The following ZNF169 variants were observed in gnomAD, a reference collection of about 807,000 sequenced individuals.
ZNF169 encodes the protein zinc finger protein 169.
ZNF169 carries 11 observed loss-of-function variants against 12.0 expected under a neutral mutation model. That is an observed-to-expected ratio of 0.92 (90% CI 0.58 to 1.52). ZNF169 has a LOEUF of 1.52. Among genes scored for constraint, ZNF169 ranks in the 40% most tolerant of loss-of-function variants. ZNF169 has a pLI of 0.00. For missense variants in ZNF169, 722 were observed against 744.0 expected (o/e 0.97, Z 0.34); for synonymous variants, 302 against 286.5 (o/e 1.05, Z -0.55).
intron 2 of ZNF169, among the ~76,000 whole-genome samples, chr9:94,283,801 G>A (rs1240640174): frequency 6.6e-6 from 1 of 152,124 alleles, no homozygotes; most frequent in East Asian, 1.9e-4. Flanking sequence ...GGGTGCGGTG[G>A]CTCACACCTG....
chr9:94,267,039 G>T (rs1830306881), intron 1 of ZNF169, among the ~76,000 whole-genome samples: 1 of 151,982 alleles, frequency 6.6e-6, no homozygotes, highest in Non-Finnish European at 1.5e-5. Flanking sequence ...CTTCCGAGTA[G>T]CTGGGACTAC....
chr9:94,292,522 T>C (rs968650388), intron 3 of ZNF169, 55 bp downstream of exon 3: 2 of 1,571,648 alleles, frequency 1.3e-6, no homozygotes, highest in African/African-American at 2.7e-5. Flanking sequence ...TTTAAGCTCT[T>C]ACATAGCAAG....
intron 2 of ZNF169, among the ~76,000 whole-genome samples, chr9:94,282,712 T>A (rs770092497): frequency 9.2e-5 from 14 of 152,270 alleles, no homozygotes; most frequent in East Asian, 1.9e-4. Flanking sequence ...TTAAAATTTT[T>A]AAAAATATTT....
chr9:94,299,216 G>A (rs1193281468), intron 4 of ZNF169, among the ~76,000 whole-genome samples: 1 of 152,148 alleles, frequency 6.6e-6, no homozygotes, highest in Non-Finnish European at 1.5e-5. Flanking sequence ...AGGACTTAAG[G>A]GTGTCCATAC....
In ZNF169 at chr9:94,301,065, C is replaced by T. The variant is rs139392933; in HGVS notation, c.1507C>T (p.Arg503Ter). ...ATTTGGCTTTAAGTCGCTCCTCACC[C>T]GACACCAGAGGACACACTCAGAGGA... ...RAFGFKSLLT[R>*]HQRTHSEEEL... Residue 503 changes from arginine (R) to a stop codon, truncating the protein, a stop_gained, in exon 5 of 5, where the codon CGA becomes TGA. Transcript: ENST00000395395. LOFTEE classifies it low-confidence loss of function (END_TRUNC). The T allele has an allele frequency of 3.6e-5, 58 of 1,613,296 alleles. No homozygotes were observed. Among genetic ancestry groups the T allele is most frequent in the Admixed American group, 2.5e-4 (15 of 59,932 alleles).
intron 4 of ZNF169, chr9:94,293,914 T>G (rs1197277623): frequency 1.3e-5 from 2 of 152,336 alleles, no homozygotes; most frequent in African/African-American, 4.8e-5. Context: ...CCCATACTTT[T>G]CCTGATTGTG....
chr9:94,265,022 T>TTG (rs1491402465), intron 1 of ZNF169, among the ~76,000 whole-genome samples: 3 of 5,356 alleles, frequency 5.6e-4, no homozygotes, highest in Admixed American at 5.7e-3. Flanking sequence ...CTGTACCCTG[T>TTG]TTTTTTTTTT....
Position 94,301,035 on chromosome 9 carries a change from C to T in ZNF169, c.1477C>T (p.Arg493Cys), listed in dbSNP as rs764550642. ...EKPYLCPKCG[R>C]AFGFKSLLTR... ...GCCTTATCTGTGCCCCAAGTGTGGG[C>T]GTGCATTTGGCTTTAAGTCGCTCCT... Residue 493 changes from arginine (R) to cysteine (C), a missense_variant, in exon 5 of 5, where the codon CGT (arginine) becomes TGT (cysteine). Arg to Cys is a radical substitution (Grantham distance 180). Transcript: ENST00000395395. 39 of 1,614,014 alleles carry T rather than the reference C, an allele frequency of 2.4e-5. No individual in the cohort carries two copies. Among genetic ancestry groups the T allele is most frequent in the African/African-American group, 1.3e-4 (10 of 74,894 alleles).
In ZNF169 at chr9:94,274,309, G is replaced by A. The variant is rs140368237; in HGVS notation, c.-55-4449G>A. Among the ~76,000 whole-genome samples the A allele has an allele frequency of 6.8e-3, 1,028 of 152,214 alleles. 7 individuals carry two copies. Among genetic ancestry groups the A allele is most frequent in the Non-Finnish European group, 0.012 (791 of 67,994 alleles). On this transcript the variant is annotated intron_variant, in intron 1 of 4. Coordinates refer to ENST00000395395, the MANE Select transcript of ZNF169 (RefSeq NM_194320.4). ...GGGAGACAAGGAATAATTCAGCCTG[G>A]AACAGCTCCAAGTCACAAATTTGGT...
intron 1 of ZNF169, among the ~76,000 whole-genome samples, chr9:94,275,922 T>C (rs1830509948): frequency 6.6e-6 from 1 of 151,574 alleles, no homozygotes; most frequent in Non-Finnish European, 1.5e-5. Context: ...GCTGGGCGCC[T>C]GCTACCATGC....
At chr9:94,269,337 AC>A (rs1382890034) in intron 1 of ZNF169, among the ~76,000 whole-genome samples, 2 of 151,480 alleles carry the variant, frequency 1.3e-5, no homozygotes, top group Non-Finnish European at 2.9e-5. Flanking sequence ...GCAAGCCCAG[AC>A]AGGAAAACAG....
At position 94,301,247 on chromosome 9, in the gene ZNF169, C is replaced by G. The variant is rs757112068; in HGVS notation, c.1689C>G (p.Thr563=). 3.1e-6 allele frequency: 5 copies of G among 1,605,470 alleles called. No homozygotes were observed. The highest frequency in any genetic ancestry group is 4.2e-6 in the Non-Finnish European group (5 of 1,177,000). ...CTGCCCTCATCCGACATCAGCGGAC[C>G]CATTCTGGGGAGAAGCCGTATGTCT... is the stretch of plus-strand genomic sequence containing the variant. The part of the protein sequence containing the change: ...FKSALIRHQR[T]HSGEKPYVCR... Residue 563 remains threonine, a synonymous_variant, in exon 5 of 5, where the codon ACC becomes ACG. Coordinates refer to ENST00000395395, the MANE Select transcript of ZNF169 (RefSeq NM_194320.4).
At chr9:94,269,063 T>C (rs989010488) in intron 1 of ZNF169, among the ~76,000 whole-genome samples, 1 of 150,706 alleles carries the variant, frequency 6.6e-6, no homozygotes, top group African/African-American at 2.4e-5. Flanking sequence ...ACCATTGAGC[T>C]CCTAAAAAAA....
intron 1 of ZNF169, among the ~76,000 whole-genome samples, chr9:94,263,888 A>T (rs1482843939): frequency 6.7e-6 from 1 of 148,878 alleles, no homozygotes; most frequent in Non-Finnish European, 1.5e-5. Context: ...CTTAATTGCC[A>T]CTTAGCTATA....
At chr9:94,296,708 T>C (rs1830957998) in intron 4 of ZNF169, 12 of 455,684 alleles carry the variant, frequency 2.6e-5, no homozygotes, top group South Asian at 1.9e-4. Context: ...CTATGTTTTT[T>C]CTACTCCTCT....
intron 1 of ZNF169, among the ~76,000 whole-genome samples, chr9:94,273,665 C>T (rs1387195348): frequency 1.5e-4 from 22 of 150,594 alleles, no homozygotes; most frequent in Non-Finnish European, 2.2e-4. Context: ...CTGCCAACTC[C>T]GCCTCCCGGG....
chr9:94,283,187 G>A (rs549187833), intron 2 of ZNF169, among the ~76,000 whole-genome samples: 1 of 152,234 alleles, frequency 6.6e-6, no homozygotes, highest in South Asian at 2.1e-4. Context: ...GAGGCGGGCG[G>A]ATCATGAGGT....
At chr9:94,264,047 C>T (rs975588487) in intron 1 of ZNF169, among the ~76,000 whole-genome samples, 3 of 152,064 alleles carry the variant, frequency 2.0e-5, no homozygotes, top group Non-Finnish European at 2.9e-5. Context: ...CTACCTACTC[C>T]GTCATTCTTC....
Position 94,300,296 on chromosome 9 carries a change from A to G in ZNF169, c.738A>G (p.Arg246=), listed in dbSNP as rs768272513. 22 of 1,613,904 alleles carry G rather than the reference A, an allele frequency of 1.4e-5. No homozygotes were observed. The highest frequency in any genetic ancestry group is 1.7e-5 in the Non-Finnish European group (20 of 1,179,950). ...AATGCGGGAGAGGCTTTTGCCAGAG[A>G]TCAGACCTTATCAAGCACCAGAGGA... The part of the protein sequence containing the change: ...CPECGRGFCQ[R]SDLIKHQRTH... The change falls in exon 5 of 5, where the codon AGA becomes AGG. Residue 246 remains arginine (R), a synonymous_variant. Transcript: ENST00000395395.
Sources: allele counts gnomAD v4.1 joint callset (sites outside exome capture counted in the v4.1 genomes callset), GRCh38; gene constraint gnomAD v4.1.1; transcripts MANE v1.5; gene names NCBI Gene and HGNC (gene_info 2026-07-23, HGNC 2026-07-21).